ZNF160: variants seen among roughly 807,000 people sequenced by gnomAD.
ZNF160 encodes the protein KRAB zinc finger protein KR18.
A neutral mutation model predicts 13.1 loss-of-function variants in ZNF160; 9 were observed. That is an observed-to-expected ratio of 0.69 (90% CI 0.41 to 1.20). The LOEUF (loss-of-function observed/expected upper bound fraction) is 1.20, where lower values mean the gene tolerates loss of function less well. Ranked by LOEUF, ZNF160 falls within the 50% of genes most tolerant of loss-of-function variation. The pLI is 0.01. For missense variants in ZNF160, 838 were observed against 988.0 expected, an observed-to-expected ratio of 0.85 and a Z score of 2.04; for synonymous variants, 293 against 333.2, an observed-to-expected ratio of 0.88 and a Z score of 1.31.
At chr19:53,095,279 C>G (rs748753613) in intron 1 of ZNF160, 6 of 1,414 alleles carry the variant, frequency 4.2e-3, no homozygotes, top group African/African-American at 7.6e-3. Context: ...CCACCCTCCC[C>G]ACCTGGCCTC....
At chr19:53,088,774 T>C (rs768788758) in intron 2 of ZNF160, among the ~76,000 whole-genome samples, 7 of 152,120 alleles carry the variant, frequency 4.6e-5, no homozygotes, top group East Asian at 1.9e-4. Flanking sequence ...ATGTGTGTCA[T>C]TGTCCCCACA....
chr19:53,095,308 C>G (rs1183604962), intron 1 of ZNF160: 1 of 151,172 alleles, frequency 6.6e-6, no homozygotes, highest in Non-Finnish European at 1.5e-5. Context: ...ATCCAAGACC[C>G]GCCTCTCGCT....
intron 1 of ZNF160, among the ~76,000 whole-genome samples, chr19:53,097,672 A>C (rs1366392082): frequency 2.6e-5 from 4 of 152,256 alleles, no homozygotes; most frequent in African/African-American, 4.8e-5. Flanking sequence ...CCCCAACATC[A>C]GGAAAGGAAA....
chr19:53,069,936 T>C lies in ZNF160; in HGVS notation c.598A>G (p.Lys200Glu), dbSNP rs137866362. The change falls in exon 6 of 6, where the codon AAA (lysine) becomes GAA (glutamate). Residue 200 changes from lysine (K) to glutamate (E), a missense_variant. Around this residue, in one of 3 missense-constraint regions of ZNF160, gnomAD observed 387 missense variants for 402.3 expected, o/e 0.96. Transcript: ENST00000683776. This position sits in a 1 kb window ranked among gnomAD's most constrained non-coding sequence, Gnocchi z 4.4. ...TCAACTTGATTACATTCATACATTT[T>C]CCCCTCACCTTGAAATAGCTGCAGT... ...PELQLFQGEGKMYECNQVEKS... is the reference protein window; with the variant it reads ...PELQLFQGEGEMYECNQVEKS... The C allele has an allele frequency of 3.6e-5, 58 of 1,614,136 alleles. No individual in the cohort carries two copies. The Admixed American group carries it at 4.8e-4, about 13-fold the overall frequency.
chr19:53,098,780 G>A (rs921462758), intron 1 of ZNF160, among the ~76,000 whole-genome samples: 8 of 151,164 alleles, frequency 5.3e-5, no homozygotes, highest in Non-Finnish European at 8.8e-5. Flanking sequence ...GATGGCCACC[G>A]GGCCCCGGTG....
chr19:53,072,124 CAG>C (rs2084201978), intron 5 of ZNF160, among the ~76,000 whole-genome samples: 1 of 144,516 alleles, frequency 6.9e-6, no homozygotes, highest in Non-Finnish European at 1.5e-5. Context: ...TTTTTTTAGA[CAG>C]AGTCTTGCTC....
At chr19:53,088,580 A>G (rs2084927979) in intron 2 of ZNF160, among the ~76,000 whole-genome samples, 2 of 152,162 alleles carry the variant, frequency 1.3e-5, no homozygotes, top group African/African-American at 4.8e-5. Context: ...ATGCTCTTAA[A>G]TAGAGCACAA....
chr19:53,068,809 A>T lies in ZNF160; in HGVS notation c.1725T>A (p.Ala575=), dbSNP rs1315942520. 6.2e-7 allele frequency: 1 copy of T among 1,612,770 alleles called. No homozygotes were observed. Residue 575 remains alanine, a synonymous_variant, in exon 6 of 6, where the codon GCT becomes GCA. Transcript: ENST00000683776. ...AATGCCTTGCAAGTTGTGATGTTTG[A>T]GCGAAGACTTTACCACATTCATTAC... ...YKCNECGKVF[A]QTSQLARHWR... is the part of the protein sequence containing the mutation.
rs2084105045 is a variant in ZNF160, at chr19:53,069,966, G to A, written c.568C>T (p.Pro190Ser). The A allele has an allele frequency of 6.2e-7, 1 of 1,613,954 alleles. No individual in the cohort carries two copies. Among genetic ancestry groups the A allele is most frequent in the African/African-American group, 1.3e-5 (1 of 74,884 alleles). Reference sequence around the variant, plus strand: ...TCACCTTGAAATAGCTGCAGTTCAGGCAGATGAGAATGAAAGCTTACTCCA... The same window carrying A: ...TCACCTTGAAATAGCTGCAGTTCAGACAGATGAGAATGAAAGCTTACTCCA... ...QLGVSFHSHL[P>S]ELQLFQGEGK... Residue 190 changes from proline to serine, a missense_variant, in exon 6 of 6, where the codon CCT becomes TCT. Coordinates refer to ENST00000683776, the MANE Select transcript of ZNF160 (RefSeq NM_001322131.2). This position sits in a 1 kb window ranked among gnomAD's most constrained non-coding sequence, Gnocchi z 4.4.
chr19:53,087,417 T>G (rs891527066), intron 2 of ZNF160, among the ~76,000 whole-genome samples: 10 of 152,204 alleles, frequency 6.6e-5, no homozygotes, highest in Non-Finnish European at 1.5e-4. Flanking sequence ...TACAACATAG[T>G]ATCTTGCATA....
chr19:53,068,102 T>C lies in ZNF160; in HGVS notation c.2432A>G (p.His811Arg). Residue 811 changes from histidine (H) to arginine (R), a missense_variant, in exon 6 of 6, where the codon CAT (histidine) becomes CGT (arginine). Physicochemically the swap from His to Arg is conservative, Grantham distance 29. Coordinates refer to ENST00000683776, the MANE Select transcript of ZNF160 (RefSeq NM_001322131.2). ...SSNLASHHRM[H>R]TGEKPYK ...TCATTTGTAAGGTTTCTCTCCGGTA[T>C]GCATTCTGTGATGACTTGCAAGATT... 5 of 1,611,244 alleles carry C rather than the reference T, an allele frequency of 3.1e-6. No individual in the cohort carries two copies. The highest frequency in any genetic ancestry group is 2.5e-6 in the Non-Finnish European group (3 of 1,178,386).
At chr19:53,086,622 C>G (rs988360350) in intron 2 of ZNF160, among the ~76,000 whole-genome samples, 1 of 152,124 alleles carries the variant, frequency 6.6e-6, no homozygotes, top group African/African-American at 2.4e-5. Context: ...GACACAGACC[C>G]AGCCCTGACC....
intron 5 of ZNF160, chr19:53,073,180 GTT>G: frequency 7.1e-7 from 1 of 1,414,026 alleles, no homozygotes; most frequent in Middle Eastern, 2.0e-4. Flanking sequence ...GCTGCTATTA[GTT>G]TTATTGGTTT....
At chr19:53,088,039 C>T (rs1008887805) in intron 2 of ZNF160, among the ~76,000 whole-genome samples, 1 of 152,018 alleles carries the variant, frequency 6.6e-6, no homozygotes, top group Non-Finnish European at 1.5e-5. Context: ...TGGGTGTGGA[C>T]GGAGACAAGA....
chr19:53,077,036 G>A (rs1308597013), intron 3 of ZNF160: 2 of 152,188 alleles, frequency 1.3e-5, no homozygotes, highest in Non-Finnish European at 2.9e-5. Flanking sequence ...CAGGACCCCA[G>A]GTAAGGAAGC....
chr19:53,070,972 T>G (rs1003463033), intron 5 of ZNF160, among the ~76,000 whole-genome samples: 1 of 151,536 alleles, frequency 6.6e-6, no homozygotes, highest in African/African-American at 2.4e-5. Flanking sequence ...CTAAGGTGGG[T>G]GGATCATGAG....
At chr19:53,092,350 G>A (rs1008239903) in intron 1 of ZNF160, among the ~76,000 whole-genome samples, 8 of 151,908 alleles carry the variant, frequency 5.3e-5, no homozygotes, top group South Asian at 4.2e-4. Context: ...TCCCTCTGTC[G>A]CTCAGGCTAG....
chr19:53,070,285 T>A (rs762632886), intron 5 of ZNF160, 23 bp from the exon 6 acceptor site: 48 of 1,522,490 alleles, frequency 3.2e-5, no homozygotes, highest in Non-Finnish European at 4.0e-5. Context: ...AAGAACCACA[T>A]AATTTCCAAT....
At chr19:53,099,212 TG>T (rs2146054836) in intron 1 of ZNF160, among the ~76,000 whole-genome samples, 1 of 152,070 alleles carries the variant, frequency 6.6e-6, no homozygotes, top group South Asian at 2.1e-4. Flanking sequence ...GAATTTCAGA[TG>T]GGGGTGCAAG....
Sources: gnomAD v4.1 joint callset for allele counts (sites outside exome capture counted in the v4.1 genomes callset) on GRCh38, gnomAD v4.1.1 for gene constraint, gnomAD v4.1.1 regional missense constraint, Gnocchi (gnomAD v3.1) non-coding constraint, MANE v1.5 for transcripts, NCBI Gene and HGNC (gene_info 2026-07-23, HGNC 2026-07-21) for gene names.